CELF2: variants seen among roughly 807,000 people sequenced by gnomAD.
CELF2 encodes CUG triplet repeat RNA-binding protein 2.
In CELF2, 8 loss-of-function variants were observed where a neutral mutation model predicts 62.6. That is an observed-to-expected ratio of 0.13 (90% CI 0.07 to 0.23). The LOEUF (loss-of-function observed/expected upper bound fraction) is 0.23, where lower values mean the gene tolerates loss of function less well. Ranked by LOEUF, CELF2 falls within the 10% of genes least tolerant of loss-of-function variation. The pLI is 1.00. For missense variants in CELF2, 333 were observed against 671.0 expected (o/e 0.50, Z 5.56); for synonymous variants, 258 against 250.0 (o/e 1.03, Z -0.30).
chr10:10,833,961 G>A (rs1213772774), intron 1 of CELF2, among the ~76,000 whole-genome samples: 1 of 152,020 alleles, frequency 6.6e-6, no homozygotes. Flanking sequence ...CCCATTCCTG[G>A]GTATATACCC....
intron 1 of CELF2, among the ~76,000 whole-genome samples, chr10:11,106,222 T>TATTTA: frequency 6.7e-6 from 1 of 149,242 alleles, no homozygotes; most frequent in South Asian, 2.1e-4. Flanking sequence ...TTTATTTATT[T>TATTTA]ATTTATTTAT....
At chr10:10,675,823 ATTTCCATCTCTTTTCTTACAT>A in the CELF2 span, among the ~76,000 whole-genome samples, 33 of 152,014 alleles carry the variant, frequency 2.2e-4, no homozygotes, top group African/African-American at 6.8e-4. Flanking sequence ...CCTTCTTAGG[ATTTCCATCTCTTTTCTTACAT>A]TTTCCATCTG....
chr10:10,686,488 C>A, the CELF2 span, among the ~76,000 whole-genome samples: 1 of 152,058 alleles, frequency 6.6e-6, no homozygotes, highest in Non-Finnish European at 1.5e-5. Flanking sequence ...GTGTCCCCAC[C>A]CAAATCTCCC....
At chr10:11,197,560 T>A (rs2058282915) in intron 2 of CELF2, among the ~76,000 whole-genome samples, 1 of 152,268 alleles carries the variant, frequency 6.6e-6, no homozygotes, top group South Asian at 2.1e-4. Context: ...GCAGCATTTA[T>A]GGGCTATCTC....
intron 2 of CELF2, among the ~76,000 whole-genome samples, chr10:10,964,415 C>T (rs992657071): frequency 6.6e-5 from 10 of 152,136 alleles, no homozygotes; most frequent in African/African-American, 9.7e-5. Context: ...GATGTCATCT[C>T]GTGCCTTCAA....
At chr10:10,477,247 A>G in the CELF2 span, among the ~76,000 whole-genome samples, 1 of 152,192 alleles carries the variant, frequency 6.6e-6, no homozygotes, top group East Asian at 1.9e-4. Flanking sequence ...AGCTCATTCC[A>G]TAAGATGGGG....
At chr10:11,129,459 G>A (rs1455724490) in intron 1 of CELF2, among the ~76,000 whole-genome samples, 1 of 152,308 alleles carries the variant, frequency 6.6e-6, no homozygotes, top group East Asian at 1.9e-4. Flanking sequence ...AAAGGTACCA[G>A]CTCTTCTTTG....
rs1038030464 is a variant in CELF2, at chr10:10,871,856, C to A, written c.54-48108C>A. On this transcript the variant is annotated intron_variant, in intron 1 of 13. Transcript: ENST00000636488. ...CAGAAATTTGATAATTCAGCCCAAA[C>A]GAATACAATGCTGAAACATGCAAAC... Among the ~76,000 whole-genome samples, 7 of 152,220 alleles carry A rather than the reference C, an allele frequency of 4.6e-5. No homozygotes were observed. The East Asian group carries it at 5.8e-4, about 13-fold the overall frequency.
At position 11,314,463 on chromosome 10, in the gene CELF2, G is replaced by A; in HGVS notation, c.1096+205G>A. Reference sequence around the variant, plus strand: ...AATCCCCAACCACTCTCCACCCCCAGATTCTCTTCAGTGTGTAGCACAGCG... The same window carrying A: ...AATCCCCAACCACTCTCCACCCCCAAATTCTCTTCAGTGTGTAGCACAGCG... On this transcript the variant is annotated intron_variant, in intron 10 of 12. Transcript: ENST00000633077. This position sits in a 1 kb window ranked among gnomAD's most constrained non-coding sequence, Gnocchi z 5.3. 1.5e-6 allele frequency: 1 copy of A among 666,162 alleles called. No homozygotes were observed. The highest frequency in any genetic ancestry group is 2.7e-6 in the Non-Finnish European group (1 of 369,748). 41.3% of individuals were successfully genotyped at this position (666,162 alleles called of 1,614,324 possible). A position where few individuals can be genotyped will look rare whatever the true frequency, so the allele number is the denominator to read the frequency against.
chr10:11,309,790 C>G lies in CELF2; in HGVS notation c.977-4349C>G, dbSNP rs2094465795. On this transcript the variant is annotated intron_variant, in intron 9 of 12. Coordinates refer to ENST00000633077, the MANE Select transcript of CELF2 (RefSeq NM_001326342.2). This position sits in a 1 kb window ranked among gnomAD's most constrained non-coding sequence, Gnocchi z 5.6. ...TGCCATCATGGAGCTACTGCCTACT[C>G]TTAATTGCTCACCAACAAAATTTAT... Among the ~76,000 whole-genome samples the G allele has an allele frequency of 6.6e-6, 1 of 152,210 alleles. No homozygotes were observed. Among genetic ancestry groups the G allele is most frequent in the Non-Finnish European group, 1.5e-5 (1 of 68,034 alleles).
At chr10:10,676,427 T>C in the CELF2 span, among the ~76,000 whole-genome samples, 1 of 152,212 alleles carries the variant, frequency 6.6e-6, no homozygotes, top group Non-Finnish European at 1.5e-5. Context: ...AGACTTTGTT[T>C]AAAAGAACAG....
chr10:10,699,552 T>C, the CELF2 span, among the ~76,000 whole-genome samples: 3 of 152,222 alleles, frequency 2.0e-5, no homozygotes, highest in Non-Finnish European at 4.4e-5. Flanking sequence ...ATTTGATCTG[T>C]CATCATGGTG....
At chr10:10,634,628 A>C in the CELF2 span, among the ~76,000 whole-genome samples, 1 of 151,428 alleles carries the variant, frequency 6.6e-6, no homozygotes, top group African/African-American at 2.4e-5. Context: ...CCAAATTCTT[A>C]GAGGTTTAAC....
intron 11 of CELF2, among the ~76,000 whole-genome samples, chr10:11,322,528 A>G (rs936160056): frequency 2.0e-5 from 3 of 152,152 alleles, no homozygotes; most frequent in Admixed American, 6.5e-5. Context: ...AGAAGCACTA[A>G]GGGAGATTTT....
intron 1 of CELF2, among the ~76,000 whole-genome samples, chr10:11,069,604 A>G (rs574392192): frequency 6.6e-6 from 1 of 152,346 alleles, no homozygotes; most frequent in South Asian, 2.1e-4. Flanking sequence ...ATGTTTGTTT[A>G]TGGAAAATGT....
chr10:11,072,057 T>C (rs2070218729), intron 1 of CELF2, among the ~76,000 whole-genome samples: 1 of 152,136 alleles, frequency 6.6e-6, no homozygotes, highest in Non-Finnish European at 1.5e-5. Context: ...TCACACAGCA[T>C]GGTCAAGTGG....
intron 2 of CELF2, among the ~76,000 whole-genome samples, chr10:10,951,627 C>T (rs185642250): frequency 4.6e-5 from 7 of 152,280 alleles, no homozygotes; most frequent in African/African-American, 1.2e-4. Context: ...TCCCAATTCA[C>T]CCGGTGTTCA....
intron 1 of CELF2, among the ~76,000 whole-genome samples, chr10:11,090,090 G>A (rs1362841610): frequency 6.6e-6 from 1 of 152,000 alleles, no homozygotes; most frequent in Non-Finnish European, 1.5e-5. Context: ...CAGCACCAGG[G>A]TGATGGGATC....
the CELF2 span, among the ~76,000 whole-genome samples, chr10:10,609,607 T>G: frequency 6.6e-6 from 1 of 152,150 alleles, no homozygotes; most frequent in Admixed American, 6.5e-5. Flanking sequence ...AGGCAAACTT[T>G]GCTGGGGCCA....
Sources: gnomAD v4.1 joint callset for allele counts (sites outside exome capture counted in the v4.1 genomes callset) on GRCh38, gnomAD v4.1.1 for gene constraint, Gnocchi (gnomAD v3.1) non-coding constraint, MANE v1.5 for transcripts, NCBI Gene and HGNC (gene_info 2026-07-23, HGNC 2026-07-21) for gene names.